Variants in DRICH1 observed in about 807,000 individuals in gnomAD.
DRICH1 encodes the protein aspartate rich 1, also known as aspartate-rich protein 1.
DRICH1 carries 38 observed loss-of-function variants against 39.5 expected under a neutral mutation model. The ratio of observed to expected loss-of-function variants is 0.96; its 90% CI spans 0.74 to 1.26. The LOEUF (loss-of-function observed/expected upper bound fraction) is 1.26. DRICH1 is among the 50% of genes most tolerant of loss of function. DRICH1 has a pLI of 0.00. For synonymous variants in DRICH1, 84 were observed against 99.5 expected (o/e 0.84, Z 0.93); for missense variants, 279 against 270.4 (o/e 1.03, Z -0.22).
chr22:23,590,276 T>C, the DRICH1 span, among the ~76,000 whole-genome samples: 4,496 of 147,320 alleles, frequency 0.031, 98 homozygotes, highest in African/African-American at 0.059. Flanking sequence ...TTCAGCCCTT[T>C]GATTTTTTTT....
chr22:23,597,032 C>T, the DRICH1 span, among the ~76,000 whole-genome samples: 100 of 150,516 alleles, frequency 6.6e-4, no homozygotes, highest in South Asian at 8.4e-3. Context: ...TGTGGTTAGA[C>T]GCACATGTAC....
intron 11 of DRICH1, among the ~76,000 whole-genome samples, chr22:23,613,027 A>G (rs1927131840): frequency 6.6e-6 from 1 of 152,184 alleles, no homozygotes; most frequent in South Asian, 2.1e-4. Flanking sequence ...ACCAAAGGCT[A>G]TGATGTTCCA....
chr22:23,612,962 A>G (rs893206502), intron 11 of DRICH1, among the ~76,000 whole-genome samples: 1 of 152,162 alleles, frequency 6.6e-6, no homozygotes, highest in Non-Finnish European at 1.5e-5. Context: ...GATGACACCC[A>G]GTGCTTAGGC....
chr22:23,624,893 T>A lies in DRICH1; in HGVS notation c.288A>T (p.Ser96=), dbSNP rs201820235. The change falls in exon 3 of 12, where the codon TCA becomes TCT. Residue 96 remains serine (S), a synonymous_variant. Coordinates refer to ENST00000317749, the MANE Select transcript of DRICH1 (RefSeq NM_016449.4). The stretch of plus-strand genomic sequence containing the variant: ...GTTCAAGGTACGTACCCTGGACAGG[T>A]GATGGTAAAATCTGCAATGAGACAA... ...EDNDDAKILP[S]PVQGSSEDNL... is the part of the protein sequence containing the mutation. The A allele has an allele frequency of 3.2e-5, 52 of 1,613,546 alleles. No homozygotes were observed. Among genetic ancestry groups the A allele is most frequent in the Non-Finnish European group, 1.5e-5 (18 of 1,179,600 alleles).
chr22:23,590,474 T>C, the DRICH1 span, among the ~76,000 whole-genome samples: 1 of 152,070 alleles, frequency 6.6e-6, no homozygotes, highest in East Asian at 1.9e-4. Flanking sequence ...GATGGGGTTT[T>C]GCCTTGTTGC....
chr22:23,614,159 T>A lies in DRICH1; in HGVS notation c.597A>T (p.Glu199Asp), dbSNP rs1211670156. Residue 199 changes from glutamate to aspartate, a missense_variant, in exon 9 of 12, where the codon GAA becomes GAT. Physicochemically the swap from Glu to Asp is conservative, Grantham distance 45. Coordinates refer to ENST00000317749, the MANE Select transcript of DRICH1 (RefSeq NM_016449.4). ...CGTGGATGTCATCATCATCTTCTTCTTCTTCATCTTTGTGTCTCAGTGAGC... is the reference window on the plus strand; with the variant it reads ...CGTGGATGTCATCATCATCTTCTTCATCTTCATCTTTGTGTCTCAGTGAGC... ...LRCSLRHKDE[E>D]EEDDDDIHIT... The A allele has an allele frequency of 1.2e-6, 2 of 1,613,698 alleles. No homozygotes were observed. The highest frequency in any genetic ancestry group is 1.7e-6 in the Non-Finnish European group (2 of 1,179,548).
the DRICH1 span, among the ~76,000 whole-genome samples, chr22:23,585,983 A>G: frequency 1.1e-4 from 17 of 152,348 alleles, no homozygotes; most frequent in African/African-American, 3.6e-4. Flanking sequence ...TTTGAAGAGA[A>G]TATGTACTCT....
At chr22:23,624,256 CAA>C in intron 3 of DRICH1, 5 of 985,358 alleles carry the variant, frequency 5.1e-6, no homozygotes, top group Non-Finnish European at 6.0e-6. Flanking sequence ...AACTGTGTCC[CAA>C]ACCACAGGCT....
At chr22:23,590,762 A>C in the DRICH1 span, among the ~76,000 whole-genome samples, 1 of 151,896 alleles carries the variant, frequency 6.6e-6, no homozygotes, top group South Asian at 2.1e-4. Context: ...CCACGCCCGG[A>C]TATATAAATA....
chr22:23,619,308 T>C (rs1358441411), intron 6 of DRICH1, 56 bp downstream of exon 6: 7 of 777,064 alleles, frequency 9.0e-6, no homozygotes, highest in African/African-American at 1.7e-5. Context: ...TATTCATGGA[T>C]AGGAAGACTC....
chr22:23,601,285 T>C, the DRICH1 span, among the ~76,000 whole-genome samples: 1 of 152,048 alleles, frequency 6.6e-6, no homozygotes, highest in African/African-American at 2.4e-5. Context: ...TATTGATCCA[T>C]AAGGCAACTG....
downstream of DRICH1, among the ~76,000 whole-genome samples, chr22:23,606,406 C>T (rs994725750): frequency 1.5e-4 from 23 of 152,162 alleles, no homozygotes; most frequent in Non-Finnish European, 2.1e-4. Context: ...ATGTGATGCC[C>T]CCCTTCCCAT....
chr22:23,631,872 A>C lies in DRICH1; in HGVS notation c.152T>G (p.Val51Gly), dbSNP rs773309734. The change falls in exon 1 of 12, where the codon GTG (valine) becomes GGG (glycine). Residue 51 changes from valine to glycine, a missense_variant. Val to Gly is a moderately radical substitution (Grantham distance 109, BLOSUM62 -3). Coordinates refer to ENST00000317749, the MANE Select transcript of DRICH1 (RefSeq NM_016449.4). ...STTVEPGKLD[V>G]GATEGQDLQH... ...CAGGTCTTGGCCCTCCGTGGCTCCCACATCCAGCTTGCCAGGCTCTACAGT... is the reference window on the plus strand; with the variant it reads ...CAGGTCTTGGCCCTCCGTGGCTCCCCCATCCAGCTTGCCAGGCTCTACAGT... 28 of 1,612,818 alleles carry C rather than the reference A, an allele frequency of 1.7e-5. No homozygotes were observed. The highest frequency in any genetic ancestry group is 1.9e-5 in the Non-Finnish European group (22 of 1,180,036).
At chr22:23,623,802 T>C (rs992039554) in intron 3 of DRICH1, 9 of 346,246 alleles carry the variant, frequency 2.6e-5, no homozygotes, top group African/African-American at 4.5e-5. Flanking sequence ...CCCATAAGTA[T>C]CACAGATGTA....
intron 8 of DRICH1, among the ~76,000 whole-genome samples, chr22:23,615,069 T>A (rs7286125): frequency 1.3e-5 from 2 of 152,174 alleles, no homozygotes; most frequent in Non-Finnish European, 2.9e-5. Flanking sequence ...TGGTTAGCTA[T>A]CTTATATAAA....
intron 2 of DRICH1, 34 bp from the exon 3 acceptor site, chr22:23,624,938 C>G: frequency 6.2e-7 from 1 of 1,609,718 alleles, no homozygotes. Flanking sequence ...CTATGAGGAT[C>G]AGATCAATTC....
intron 10 of DRICH1, 41 bp from the exon 11 acceptor site, chr22:23,613,371 T>G (rs748363274): frequency 6.5e-7 from 1 of 1,528,342 alleles, no homozygotes; most frequent in South Asian, 1.1e-5. Context: ...TTAGAGAGAG[T>G]GACTCACCCA....
the DRICH1 span, among the ~76,000 whole-genome samples, chr22:23,589,119 CA>C: frequency 4.8e-4 from 72 of 151,376 alleles, no homozygotes; most frequent in African/African-American, 1.7e-3. Context: ...CACACACACA[CA>C]CACACACCCC....
At chr22:23,613,448 C>T in intron 10 of DRICH1, 118 bp from the exon 11 acceptor site, 1 of 965,120 alleles carries the variant, frequency 1.0e-6, no homozygotes. Flanking sequence ...CTGCTTCATA[C>T]ATGATCCCCT....
Sources: gnomAD v4.1 joint callset for allele counts (sites outside exome capture counted in the v4.1 genomes callset) on GRCh38, gnomAD v4.1.1 for gene constraint, MANE v1.5 for transcripts, NCBI Gene and HGNC (gene_info 2026-07-23, HGNC 2026-07-21) for gene names.